The following ME1 variants were observed in gnomAD, a reference collection of about 807,000 sequenced individuals.
The protein encoded by ME1 is malic enzyme 1, also known as NADP-dependent malic enzyme.
A neutral mutation model predicts 66.4 loss-of-function variants in ME1; 74 were observed. The observed-to-expected ratio is 1.11, with a 90% CI of 0.92 to 1.35. ME1 has a LOEUF of 1.35. Among genes scored for constraint, ME1 ranks in the 40% most tolerant of loss-of-function variants. The pLI, the probability that ME1 is intolerant of heterozygous loss-of-function variation, is 0.00. For missense variants in ME1, 750 were observed against 694.1 expected (o/e 1.08, Z -0.90); for synonymous variants, 251 against 235.6 (o/e 1.07, Z -0.60).
intron 6 of ME1, among the ~76,000 whole-genome samples, chr6:83,307,278 G>A (rs752454878): frequency 5.3e-5 from 8 of 151,892 alleles, no homozygotes; most frequent in Non-Finnish European, 1.2e-4. Flanking sequence ...GGATTTTAAG[G>A]AAAATATGGC....
intron 7 of ME1, among the ~76,000 whole-genome samples, chr6:83,247,794 C>T (rs1245147334): frequency 6.6e-6 from 1 of 152,182 alleles, no homozygotes; most frequent in Admixed American, 6.5e-5. Flanking sequence ...CTAGTCAGAA[C>T]CCCAATAACT....
intron 1 of ME1, among the ~76,000 whole-genome samples, chr6:83,417,790 T>C (rs758736657): frequency 2.0e-5 from 3 of 152,244 alleles, no homozygotes; most frequent in Non-Finnish European, 4.4e-5. Flanking sequence ...TTTAAATATA[T>C]TATCTTGCTA....
chr6:83,241,551 A>G (rs1382064390), intron 7 of ME1, among the ~76,000 whole-genome samples: 4 of 152,168 alleles, frequency 2.6e-5, no homozygotes, highest in African/African-American at 9.7e-5. Context: ...ATTTCATAAT[A>G]TTTCCTGAGA....
At chr6:83,388,791 T>C (rs1168167563) in intron 3 of ME1, among the ~76,000 whole-genome samples, 1 of 152,174 alleles carries the variant, frequency 6.6e-6, no homozygotes, top group Non-Finnish European at 1.5e-5. Flanking sequence ...TATTAGCTCA[T>C]TCTGTTTGCC....
chr6:83,377,540 T>C (rs997512673), intron 3 of ME1, among the ~76,000 whole-genome samples: 2 of 152,154 alleles, frequency 1.3e-5, no homozygotes, highest in Non-Finnish European at 2.9e-5. Context: ...GAGAGCATAG[T>C]TTTTGGAAAT....
intron 6 of ME1, among the ~76,000 whole-genome samples, chr6:83,279,517 C>T (rs1767251177): frequency 6.6e-6 from 1 of 152,060 alleles, no homozygotes; most frequent in African/African-American, 2.4e-5. Context: ...TTGATGGGCT[C>T]ATCAGTAGAC....
intron 1 of ME1, among the ~76,000 whole-genome samples, chr6:83,411,045 G>A (rs1166411267): frequency 6.6e-6 from 1 of 152,152 alleles, no homozygotes; most frequent in African/African-American, 2.4e-5. Flanking sequence ...TAGAAATCTA[G>A]GGAACTGGGC....
Position 83,223,808 on chromosome 6 carries a change from C to T in ME1, c.1401G>A (p.Ala467=), listed in dbSNP as rs746669922. ...TATCTGTGATCTGCCTCAATCCACA[C>T]GCCACAACACCAAGAGCAACTCCAG... is the stretch of plus-strand genomic sequence containing the variant. ...VFPGVALGVV[A]CGLRQITDNI... The change falls in exon 12 of 14, where the codon GCG becomes GCA. Residue 467 remains alanine (A), a synonymous_variant. Transcript: ENST00000369705. 3.2e-5 allele frequency: 52 copies of T among 1,613,808 alleles called. No individual in the cohort carries two copies. The highest frequency in any genetic ancestry group is 1.5e-4 in the South Asian group (14 of 91,070).
At chr6:83,264,524 T>C (rs1766953147) in intron 6 of ME1, among the ~76,000 whole-genome samples, 2 of 152,176 alleles carry the variant, frequency 1.3e-5, no homozygotes, top group African/African-American at 4.8e-5. Context: ...GGAAAGGGTT[T>C]ACCATTCTAG....
At chr6:83,397,681 T>C (rs1361259751) in intron 3 of ME1, among the ~76,000 whole-genome samples, 1 of 152,182 alleles carries the variant, frequency 6.6e-6, no homozygotes, top group East Asian at 1.9e-4. Context: ...CTCACTCCCA[T>C]GTTCACTACA....
chr6:83,370,873 A>G (rs896395145), intron 3 of ME1, among the ~76,000 whole-genome samples: 2 of 152,172 alleles, frequency 1.3e-5, no homozygotes, highest in Admixed American at 6.5e-5. Flanking sequence ...TCTATGATGG[A>G]AGTGCACCAG....
intron 3 of ME1, among the ~76,000 whole-genome samples, chr6:83,366,949 A>G (rs1769111067): frequency 1.3e-5 from 2 of 152,210 alleles, no homozygotes; most frequent in African/African-American, 4.8e-5. Flanking sequence ...CAGATCCATC[A>G]AACGAATCAC....
chr6:83,259,331 A>T (rs1354969848), intron 6 of ME1, among the ~76,000 whole-genome samples: 1 of 152,212 alleles, frequency 6.6e-6, no homozygotes, highest in Non-Finnish European at 1.5e-5. Context: ...CATTGGGAAG[A>T]CAAAAGGATG....
chr6:83,277,901 A>AAATAATAATAAT (rs3837004), intron 6 of ME1, among the ~76,000 whole-genome samples: 7,546 of 143,988 alleles, frequency 0.052, 529 homozygotes, highest in African/African-American at 0.16. Flanking sequence ...CTGTATCTCA[A>AAATAATAATAAT]AATAATAATA....
At chr6:83,259,323 T>G (rs1385346026) in intron 6 of ME1, among the ~76,000 whole-genome samples, 1 of 152,102 alleles carries the variant, frequency 6.6e-6, no homozygotes, top group East Asian at 1.9e-4. Context: ...AATAGTCTCA[T>G]TGGGAAGACA....
intron 3 of ME1, among the ~76,000 whole-genome samples, chr6:83,371,537 G>A (rs895779161): frequency 6.6e-6 from 1 of 152,134 alleles, no homozygotes; most frequent in Non-Finnish European, 1.5e-5. Context: ...TTCCTTTTCA[G>A]AGAAAAGAAA....
At chr6:83,271,913 T>C (rs781733507) in intron 6 of ME1, among the ~76,000 whole-genome samples, 1 of 152,198 alleles carries the variant, frequency 6.6e-6, no homozygotes, top group South Asian at 2.1e-4. Context: ...ATGGGGTACA[T>C]GAGATATTTT....
At chr6:83,393,285 C>T (rs781582296) in intron 3 of ME1, 66 of 1,242,298 alleles carry the variant, frequency 5.3e-5, no homozygotes, top group Non-Finnish European at 6.9e-5. Context: ...CTTCCACCTT[C>T]GATGCTGGGG....
chr6:83,309,761 G>A (rs1767896672), intron 6 of ME1, among the ~76,000 whole-genome samples: 1 of 152,076 alleles, frequency 6.6e-6, no homozygotes, highest in Non-Finnish European at 1.5e-5. Context: ...CAAGCTTCAA[G>A]CCCCGAAGCA....
Sources: gnomAD v4.1 joint callset for allele counts (sites outside exome capture counted in the v4.1 genomes callset) on GRCh38, gnomAD v4.1.1 for gene constraint, MANE v1.5 for transcripts, NCBI Gene and HGNC (gene_info 2026-07-23, HGNC 2026-07-21) for gene names.